FCRL5: variants seen among roughly 807,000 people sequenced by gnomAD.
FCRL5 encodes the protein Fc receptor like 5.
Under a neutral mutation model 92.1 loss-of-function variants are expected in FCRL5, and 79 were observed. That is an observed-to-expected ratio of 0.86 (90% CI 0.72 to 1.03). The LOEUF (loss-of-function observed/expected upper bound fraction) is 1.03. FCRL5 is among the 50% of genes least tolerant of loss of function. The pLI is 0.00. For synonymous variants in FCRL5, 466 were observed against 469.3 expected (o/e 0.99, Z 0.09); for missense variants, 1,160 against 1,181.1 (o/e 0.98, Z 0.26).
chr1:157,518,569 C>G, intron 14 of FCRL5, 72 bp from the exon 15 acceptor site: 1 of 1,486,666 alleles, frequency 6.7e-7, no homozygotes, highest in Non-Finnish European at 9.4e-7. Flanking sequence ...CCTCCTCCCC[C>G]AGCCAGAGTC....
At position 157,516,140 on chromosome 1, in the gene FCRL5, T is replaced by C. The variant is rs554539812; in HGVS notation, c.2813-267A>G. On this transcript the variant is annotated intron_variant, in intron 15 of 16. Coordinates refer to ENST00000361835, the MANE Select transcript of FCRL5 (RefSeq NM_031281.3). ...TAGAGGCCCTCAAGAGAAAGTCATT[T>C]GTCTTTTATCTTGTTAGTTATTTGA... The C allele has an allele frequency of 5.1e-6, 3 of 583,160 alleles. No homozygotes were observed. In the East Asian group the frequency reaches 8.5e-5, roughly 17 times the overall value. The allele number at this position is 583,160 out of a possible 1,614,324, so 36.1% of individuals were successfully genotyped here. A position where few individuals can be genotyped will look rare whatever the true frequency, so the allele number is the denominator to read the frequency against.
At chr1:157,520,311 G>C in intron 12 of FCRL5, 120 bp downstream of exon 12, 1 of 691,326 alleles carries the variant, frequency 1.4e-6, no homozygotes, top group East Asian at 2.7e-5. Flanking sequence ...GAAGAGGATT[G>C]AGGGACAGAG....
intron 15 of FCRL5, 29 bp downstream of exon 15, chr1:157,518,400 G>T: frequency 1.3e-6 from 2 of 1,588,198 alleles, no homozygotes; most frequent in Non-Finnish European, 1.7e-6. Flanking sequence ...TTGAGGGTGG[G>T]CCAGAACAGA....
chr1:157,527,599 C>T lies in FCRL5; in HGVS notation c.1960+18G>A. ...AGATGGTCTTTTTATTTTTGTGCTG[C>T]TGGTTAGGTCAACTTACCTATAACA... On this transcript the variant is annotated intron_variant, in intron 9 of 16. Transcript: ENST00000361835. 3 of 1,557,718 alleles carry T rather than the reference C, an allele frequency of 1.9e-6. No homozygotes were observed. The highest frequency in any genetic ancestry group is 2.6e-6 in the Non-Finnish European group (3 of 1,152,178).
intron 1 of FCRL5, among the ~76,000 whole-genome samples, chr1:157,549,913 G>A (rs1285706234): frequency 1.3e-5 from 2 of 152,090 alleles, no homozygotes; most frequent in African/African-American, 4.8e-5. Context: ...TATGTTGGGG[G>A]CAGAAGGGCC....
In FCRL5 at chr1:157,524,554, G is replaced by A; in HGVS notation, c.1964C>T (p.Pro655Leu). The A allele has an allele frequency of 6.3e-7, 1 of 1,576,680 alleles. No individual in the cohort carries two copies. Among genetic ancestry groups the A allele is most frequent in the South Asian group, 1.2e-5 (1 of 86,846 alleles). The change falls in exon 10 of 17, where the codon CCA becomes CTA. Residue 655 changes from proline (P) to leucine (L), a missense_variant. Coordinates refer to ENST00000361835, the MANE Select transcript of FCRL5 (RefSeq NM_031281.3). Reference protein sequence around the residue: ...SDTISLSVIVPVSRPILTFRA... With the variant: ...SDTISLSVIVLVSRPILTFRA... ...GAAGGTGAGGATGGGACGAGATACTGGAACTGAGGGAGGAAAAACGTTATG... is the reference window on the plus strand; with the variant it reads ...GAAGGTGAGGATGGGACGAGATACTAGAACTGAGGGAGGAAAAACGTTATG...
chr1:157,518,769 A>G lies in FCRL5; in HGVS notation c.2674T>C (p.Ser892Pro), dbSNP rs780989771. 2 of 1,612,660 alleles carry G rather than the reference A, an allele frequency of 1.2e-6. No individual in the cohort carries two copies. The highest frequency in any genetic ancestry group is 2.7e-5 in the African/African-American group (2 of 74,868). ...ASDPARSPSD[S>P]DSQEPTYHNV... ...TGATAGGTGGGCTCTTGGGAGTCCG[A>G]GTCTGAAGGGCTCCTGTGAGACAGA... Residue 892 changes from serine to proline, a missense_variant, in exon 14 of 17, where the codon TCG (serine) becomes CCG (proline). Transcript: ENST00000361835.
intron 7 of FCRL5, 43 bp downstream of exon 7, chr1:157,539,043 C>G: frequency 6.3e-7 from 1 of 1,596,226 alleles, no homozygotes; most frequent in Non-Finnish European, 8.5e-7. Flanking sequence ...TAAGAGAGGA[C>G]TCTTGGCCAG....
intron 7 of FCRL5, among the ~76,000 whole-genome samples, chr1:157,538,881 C>T (rs1558137208): frequency 1.3e-5 from 2 of 152,162 alleles, no homozygotes. Context: ...CATCATTAGG[C>T]AGGGGTGGGA....
intron 2 of FCRL5, chr1:157,547,415 G>A (rs1267909285): frequency 5.4e-6 from 4 of 744,810 alleles, no homozygotes; most frequent in South Asian, 2.8e-5. Context: ...ATGATTTCAG[G>A]AGGGTGACAC....
chr1:157,537,728 T>A (rs1651035364), intron 7 of FCRL5, among the ~76,000 whole-genome samples: 1 of 152,160 alleles, frequency 6.6e-6, no homozygotes, highest in East Asian at 1.9e-4. Context: ...AGCTTTAAAA[T>A]TGTTCTCTTT....
rs1489347969 is a variant in FCRL5, at chr1:157,528,200, A to T, written c.1682-305T>A. ...GACCAAGCTGAGAATCAAATAAAAA[A>T]TTCAAACTTGTTTATGACACCTACA... On this transcript the variant is annotated intron_variant, in intron 8 of 16. Coordinates refer to ENST00000361835, the MANE Select transcript of FCRL5 (RefSeq NM_031281.3). 4 of 207,536 alleles carry T rather than the reference A, an allele frequency of 1.9e-5. No individual in the cohort carries two copies. In the East Asian group the frequency reaches 4.1e-4, roughly 21 times the overall value. The allele number at this position is 207,536 out of a possible 1,614,324, so 12.9% of individuals were successfully genotyped here.
chr1:157,525,632 G>A (rs996068438), intron 9 of FCRL5, among the ~76,000 whole-genome samples: 1 of 152,242 alleles, frequency 6.6e-6, no homozygotes, highest in Admixed American at 6.5e-5. Context: ...GGATAGATGA[G>A]TGGCACTGCA....
chr1:157,513,467 C>T lies in FCRL5; in HGVS notation c.*2208G>A, dbSNP rs1013075380. 1.3e-5 allele frequency: 2 copies of T among 152,176 alleles called. No homozygotes were observed. Among genetic ancestry groups the T allele is most frequent in the Non-Finnish European group, 2.9e-5 (2 of 68,032 alleles). 9.4% of individuals were successfully genotyped at this position (152,176 alleles called of 1,614,324 possible). On this transcript the variant is annotated 3_prime_UTR_variant, in exon 17 of 17. Coordinates refer to ENST00000361835, the MANE Select transcript of FCRL5 (RefSeq NM_031281.3). ...ATCTGCAGTCAGCAAGCTGGAGATC[C>T]AGGAGATCCAATAGCATAGTTTCTT...
chr1:157,529,761 G>A (rs1437096330), intron 8 of FCRL5, among the ~76,000 whole-genome samples: 1 of 152,188 alleles, frequency 6.6e-6, no homozygotes, highest in Non-Finnish European at 1.5e-5. Context: ...TGGGAGCTAA[G>A]CTATGAGGAC....
Position 157,534,863 on chromosome 1 carries a change from T to C in FCRL5, c.1432A>G (p.Ser478Gly). 2.6e-6 allele frequency: 4 copies of C among 1,563,080 alleles called. No individual in the cohort carries two copies. The highest frequency in any genetic ancestry group is 3.5e-6 in the Non-Finnish European group (4 of 1,155,844). The change falls in exon 8 of 17, where the codon AGC becomes GGC. Residue 478 changes from serine to glycine, a missense_variant. Physicochemically the swap from Ser to Gly is moderately conservative, Grantham distance 56. Coordinates refer to ENST00000361835, the MANE Select transcript of FCRL5 (RefSeq NM_031281.3). ...VPVSHPVLTL[S>G]SAEALTFEGA... is the part of the protein sequence containing the mutation. ...TCAAAAGTCAGGGCCTCAGCAGAGCTGAGGGTGAGGACAGGATGAGACACA... is the reference window on the plus strand; with the variant it reads ...TCAAAAGTCAGGGCCTCAGCAGAGCCGAGGGTGAGGACAGGATGAGACACA...
intron 13 of FCRL5, 80 bp from the exon 14 acceptor site, chr1:157,518,862 T>A: frequency 8.5e-7 from 1 of 1,176,880 alleles, no homozygotes; most frequent in South Asian, 1.5e-5. Context: ...GAGTGACTTC[T>A]TACTGCAGGG....
intron 8 of FCRL5, 41 bp downstream of exon 8, chr1:157,534,573 C>A: frequency 6.2e-7 from 1 of 1,613,088 alleles, no homozygotes; most frequent in Non-Finnish European, 8.5e-7. Context: ...TGAGAGAGAA[C>A]TCAGCCAGGG....
chr1:157,529,747 T>C (rs990306170), intron 8 of FCRL5, among the ~76,000 whole-genome samples: 11 of 152,190 alleles, frequency 7.2e-5, no homozygotes, highest in African/African-American at 2.7e-4. Context: ...TTCTCACTTA[T>C]CAGTGGGAGC....
Sources: allele counts gnomAD v4.1 joint callset (sites outside exome capture counted in the v4.1 genomes callset), GRCh38; gene constraint gnomAD v4.1.1; transcripts MANE v1.5; gene names NCBI Gene and HGNC (gene_info 2026-07-23, HGNC 2026-07-21).